The following FBH1 variants were observed in gnomAD, a reference collection of about 807,000 sequenced individuals.
FBH1 encodes the protein F-box DNA helicase 1, also known as DNA 3'-5' helicase 1.
FBH1 carries 43 observed loss-of-function variants against 115.5 expected under a neutral mutation model. The ratio of observed to expected loss-of-function variants is 0.37; its 90% CI spans 0.29 to 0.48. The LOEUF (loss-of-function observed/expected upper bound fraction) is 0.48. FBH1 is among the 20% of genes least tolerant of loss of function. The probability of loss-of-function intolerance (pLI) is 0.99; values close to 1 mark genes in which losing one functional copy is unlikely to be tolerated. For missense variants in FBH1, 1,001 were observed against 1,337.3 expected (o/e 0.75, Z 3.92); for synonymous variants, 524 against 507.8 (o/e 1.03, Z -0.43).
Position 5,906,324 on chromosome 10 carries a change from C to G in FBH1, c.445C>G (p.Arg149Gly), listed in dbSNP as rs755192280. 4 of 1,614,226 alleles carry G rather than the reference C, an allele frequency of 2.5e-6. No homozygotes were observed. The South Asian group carries it at 3.3e-5, about 13-fold the overall frequency. Reference sequence around the variant, plus strand: ...GGATGGAGTTTCTAAGAAAGCTCCACGGCACCATTTGTCTGTGCCATGCAC... The same window carrying G: ...GGATGGAGTTTCTAAGAAAGCTCCAGGGCACCATTTGTCTGTGCCATGCAC... ...RWDGVSKKAP[R>G]HHLSVPCTRP... The change falls in exon 3 of 21, where the codon CGG becomes GGG. Residue 149 changes from arginine (R) to glycine (G), a missense_variant. This residue lies in a region of FBH1 where 420 missense variants were observed against 430.4 expected (regional missense o/e 0.98). Coordinates refer to ENST00000362091, the MANE Select transcript of FBH1 (RefSeq NM_178150.3). This position sits in a 1 kb window ranked among gnomAD's most constrained non-coding sequence, Gnocchi z 7.3.
In FBH1 at chr10:5,906,326, G is replaced by T. The variant is rs779335043; in HGVS notation, c.447G>T (p.Arg149=). The change falls in exon 3 of 21, where the codon CGG becomes CGT. Residue 149 remains arginine, a synonymous_variant. Coordinates refer to ENST00000362091, the MANE Select transcript of FBH1 (RefSeq NM_178150.3). The surrounding 1 kb of genome is among the most constrained non-coding windows in gnomAD (Gnocchi z 7.3). ...ATGGAGTTTCTAAGAAAGCTCCACG[G>T]CACCATTTGTCTGTGCCATGCACAA... ...RWDGVSKKAP[R]HHLSVPCTRP... 2.5e-6 allele frequency: 4 copies of T among 1,614,102 alleles called. No individual in the cohort carries two copies. Among genetic ancestry groups the T allele is most frequent in the Non-Finnish European group, 3.4e-6 (4 of 1,180,036 alleles).
chr10:5,937,061 A>G (rs1833403883), intron 20 of FBH1, 49 bp from the exon 21 acceptor site: 3 of 1,518,490 alleles, frequency 2.0e-6, no homozygotes, highest in South Asian at 1.3e-5. Flanking sequence ...TGGAAAATCC[A>G]TGTTCTTTGG....
At chr10:5,922,992 CG>C (rs1411845906) in intron 15 of FBH1, among the ~76,000 whole-genome samples, 1 of 152,150 alleles carries the variant, frequency 6.6e-6, no homozygotes, top group Non-Finnish European at 1.5e-5. Flanking sequence ...GAGAGATTCT[CG>C]TGCCTCGGCC....
rs767055597 is a variant in FBH1, at chr10:5,913,615, T to A, written c.1212-132T>A. 1.7e-6 allele frequency: 1 copy of A among 605,344 alleles called. No individual in the cohort carries two copies. The highest frequency in any genetic ancestry group is 2.8e-6 in the Non-Finnish European group (1 of 358,746). The allele number at this position is 605,344 out of a possible 1,614,324, so 37.5% of individuals were successfully genotyped here. A position where few individuals can be genotyped will look rare whatever the true frequency, so the allele number is the denominator to read the frequency against. On this transcript the variant is annotated intron_variant, in intron 6 of 20. Coordinates refer to ENST00000362091, the MANE Select transcript of FBH1 (RefSeq NM_178150.3). This position sits in a 1 kb window ranked among gnomAD's most constrained non-coding sequence, Gnocchi z 4.4. The stretch of plus-strand genomic sequence containing the variant: ...AGATATATTTAAATCCTTTTCTTTC[T>A]TTTTTCCATTAAATGGTGGTAGGTA...
chr10:5,937,534 A>AT lies in FBH1; in HGVS notation c.*257dup, dbSNP rs200022146. On this transcript the variant is annotated 3_prime_UTR_variant, in exon 21 of 21. Coordinates refer to ENST00000362091, the MANE Select transcript of FBH1 (RefSeq NM_178150.3). The stretch of plus-strand genomic sequence containing the variant: ...TCTTTTGATAAAAAAAAAAAAAAAA[A>AT]TTTATGTATTTAAACTTTTATTACA... 2.8e-4 allele frequency: 86 copies of AT among 311,540 alleles called. No individual in the cohort carries two copies. The highest frequency in any genetic ancestry group is 4.5e-4 in the South Asian group (3 of 6,716). 19.3% of individuals were successfully genotyped at this position (311,540 alleles called of 1,614,324 possible). A position where few individuals can be genotyped will look rare whatever the true frequency, so the allele number is the denominator to read the frequency against.
chr10:5,936,718 A>G lies in FBH1; in HGVS notation c.2961+131A>G. The stretch of plus-strand genomic sequence containing the variant: ...TCCTTTATTAGGGGCTTTTCATATG[A>G]GAGGCACAAGAGGTGTGTGGTCTGT... On this transcript the variant is annotated intron_variant, in intron 20 of 20. Coordinates refer to ENST00000362091, the MANE Select transcript of FBH1 (RefSeq NM_178150.3). The surrounding 1 kb of genome is among the most constrained non-coding windows in gnomAD (Gnocchi z 5.6). 1 of 1,152,710 alleles carries G rather than the reference A, an allele frequency of 8.7e-7. No homozygotes were observed. Among genetic ancestry groups the G allele is most frequent in the East Asian group, 2.5e-5 (1 of 39,822 alleles). 71.4% of individuals were successfully genotyped at this position (1,152,710 alleles called of 1,614,324 possible). A position where few individuals can be genotyped will look rare whatever the true frequency, so the allele number is the denominator to read the frequency against.
At position 5,918,236 on chromosome 10, in the gene FBH1, T is replaced by A; in HGVS notation, c.1964-106T>A. Reference sequence around the variant, plus strand: ...CCTACAGGAAAAGGCGACCGTGAGGTCCAGTGTGCCCTGGCTTAGCTTCGT... The same window carrying A: ...CCTACAGGAAAAGGCGACCGTGAGGACCAGTGTGCCCTGGCTTAGCTTCGT... On this transcript the variant is annotated intron_variant, in intron 12 of 20. Coordinates refer to ENST00000362091, the MANE Select transcript of FBH1 (RefSeq NM_178150.3). This position sits in a 1 kb window ranked among gnomAD's most constrained non-coding sequence, Gnocchi z 4.0. The A allele has an allele frequency of 7.2e-7, 1 of 1,389,988 alleles. No individual in the cohort carries two copies. Among genetic ancestry groups the A allele is most frequent in the Non-Finnish European group, 9.9e-7 (1 of 1,015,088 alleles). The allele number at this position is 1,389,988 out of a possible 1,614,324, so 86.1% of individuals were successfully genotyped here.
At position 5,915,515 on chromosome 10, in the gene FBH1, C is replaced by T. The variant is rs562045050; in HGVS notation, c.1509C>T (p.Pro503=). The T allele has an allele frequency of 5.0e-6, 8 of 1,614,210 alleles. No homozygotes were observed. In the African/African-American group the frequency reaches 1.1e-4, roughly 22 times the overall value. The change falls in exon 9 of 21, where the codon CCC becomes CCT. Residue 503 remains proline (P), a synonymous_variant. Transcript: ENST00000362091. The surrounding 1 kb of genome is among the most constrained non-coding windows in gnomAD (Gnocchi z 5.2). ...SIAKQAERVF[P]SNVICKTFHS... ...CAAAGCAGGCCGAACGCGTCTTCCCCAGCAACGTCATCTGCAAAACCTTCC... is the reference window on the plus strand; with the variant it reads ...CAAAGCAGGCCGAACGCGTCTTCCCTAGCAACGTCATCTGCAAAACCTTCC...
At position 5,936,538 on chromosome 10, in the gene FBH1, C is replaced by T. The variant is rs372861811; in HGVS notation, c.2912C>T (p.Ala971Val). 3.1e-6 allele frequency: 5 copies of T among 1,614,008 alleles called. No homozygotes were observed. Among genetic ancestry groups the T allele is most frequent in the Middle Eastern group, 1.6e-4 (1 of 6,084 alleles). ...TGCTGCGTGGGACAGTGCAACAATGCCATCCCTGTTGACACCGTCCTTACC... is the reference window on the plus strand; with the variant it reads ...TGCTGCGTGGGACAGTGCAACAATGTCATCCCTGTTGACACCGTCCTTACC... The part of the protein sequence containing the change: ...VRCCVGQCNN[A>V]IPVDTVLTMK... The change falls in exon 20 of 21, where the codon GCC (alanine) becomes GTC (valine). Residue 971 changes from alanine (A) to valine (V), a missense_variant. Coordinates refer to ENST00000362091, the MANE Select transcript of FBH1 (RefSeq NM_178150.3). This position sits in a 1 kb window ranked among gnomAD's most constrained non-coding sequence, Gnocchi z 5.6.
At position 5,924,749 on chromosome 10, in the gene FBH1, A is replaced by G; in HGVS notation, c.2596+241A>G. 1 of 560,414 alleles carries G rather than the reference A, an allele frequency of 1.8e-6. No homozygotes were observed. The highest frequency in any genetic ancestry group is 3.4e-6 in the Non-Finnish European group (1 of 297,422). 34.7% of individuals were successfully genotyped at this position (560,414 alleles called of 1,614,324 possible). The stretch of plus-strand genomic sequence containing the variant: ...CCCGGCTAGTTTGTGTATTTTTTGT[A>G]GAGATGGAGTCTCACCATGTTGGCC... On this transcript the variant is annotated intron_variant, in intron 17 of 20. Transcript: ENST00000362091. This position sits in a 1 kb window ranked among gnomAD's most constrained non-coding sequence, Gnocchi z 6.2.
rs1832406638 is a variant in FBH1 at position 5,923,082 on chromosome 10, C to G, written c.2323-539C>G. Among the ~76,000 whole-genome samples, 2 of 152,098 alleles carry G rather than the reference C, an allele frequency of 1.3e-5. No homozygotes were observed. Among genetic ancestry groups the G allele is most frequent in the Admixed American group, 1.3e-4 (2 of 15,268 alleles). On this transcript the variant is annotated intron_variant, in intron 15 of 20. Transcript: ENST00000362091. The surrounding 1 kb of genome is among the most constrained non-coding windows in gnomAD (Gnocchi z 5.7). ...ATTTTTGGTAGAGACGGGGTTTCAC[C>G]ATGTTGGCCAGGCTGGTCTTGAACT...
rs1330496851 is a variant in FBH1, at chr10:5,910,222, C to T, written c.1021-716C>T. Among the ~76,000 whole-genome samples, 1 of 151,248 alleles carries T rather than the reference C, an allele frequency of 6.6e-6. No homozygotes were observed. Among genetic ancestry groups the T allele is most frequent in the Admixed American group, 6.6e-5 (1 of 15,150 alleles). On this transcript the variant is annotated intron_variant, in intron 5 of 20. Coordinates refer to ENST00000362091, the MANE Select transcript of FBH1 (RefSeq NM_178150.3). The surrounding 1 kb of genome is among the most constrained non-coding windows in gnomAD (Gnocchi z 4.8). ...GCTTGAACCTGGCAAGCAGAGGTTG[C>T]GGTGAGCTGAGATCGCGCCACTGCA...
chr10:5,902,891 A>G (rs1843438638), intron 1 of FBH1, 129 bp from the exon 2 acceptor site: 4 of 736,844 alleles, frequency 5.4e-6, no homozygotes, highest in South Asian at 5.7e-5. Flanking sequence ...GGGAGGGGGG[A>G]ACGGTTGGCT....
At position 5,923,675 on chromosome 10, in the gene FBH1, C is replaced by T. The variant is rs1487005403; in HGVS notation, c.2377C>T (p.Pro793Ser). Reference protein sequence around the residue: ...RIIDIWILLQPEEERRKQNLV... With the variant: ...RIIDIWILLQSEEERRKQNLV... ...CATTGATATTTGGATCCTTCTTCAG[C>T]CAGAGGAAGAACGGAGGAAACGTGA... The change falls in exon 16 of 21, where the codon CCA (proline) becomes TCA (serine). Residue 793 changes from proline (P) to serine (S), a missense_variant. Pro to Ser is a moderately conservative substitution (Grantham distance 74). Coordinates refer to ENST00000362091, the MANE Select transcript of FBH1 (RefSeq NM_178150.3). The surrounding 1 kb of genome is among the most constrained non-coding windows in gnomAD (Gnocchi z 5.7). 6.2e-7 allele frequency: 1 copy of T among 1,614,106 alleles called. No homozygotes were observed. Among genetic ancestry groups the T allele is most frequent in the Admixed American group, 1.7e-5 (1 of 60,018 alleles).
At chr10:5,891,064 AGGT>A (rs1842691374) in intron 1 of FBH1, 1 of 713,636 alleles carries the variant, frequency 1.4e-6, no homozygotes, top group African/African-American at 1.9e-5. Context: ...AGGGTTTTAC[AGGT>A]GGGGAAGTGG....
In FBH1 at chr10:5,906,394, G is replaced by A. The variant is rs145958035; in HGVS notation, c.515G>A (p.Arg172Gln). 2.5e-5 allele frequency: 41 copies of A among 1,614,092 alleles called. No homozygotes were observed. The Admixed American group carries it at 2.8e-4, about 11-fold the overall frequency. ...CAAGAAGCAGAGGACAGTACGTCTC[G>A]GCTCTCTGCGGAGTCTGGTGAAACC... Reference protein sequence around the residue: ...ARQEAEDSTSRLSAESGETDQ... With the variant: ...ARQEAEDSTSQLSAESGETDQ... Residue 172 changes from arginine to glutamine, a missense_variant, in exon 3 of 21, where the codon CGG becomes CAG. Around this residue, in one of 4 missense-constraint regions of FBH1, gnomAD observed 420 missense variants for 430.4 expected, o/e 0.98. Coordinates refer to ENST00000362091, the MANE Select transcript of FBH1 (RefSeq NM_178150.3). The surrounding 1 kb of genome is among the most constrained non-coding windows in gnomAD (Gnocchi z 7.3).
chr10:5,891,504 C>A (rs1323402525), intron 1 of FBH1, among the ~76,000 whole-genome samples: 2 of 152,212 alleles, frequency 1.3e-5, no homozygotes, highest in Non-Finnish European at 2.9e-5. Context: ...TTTGCTTTTA[C>A]CCCTGCCCCT....
At chr10:5,896,512 T>C (rs1203929885) in intron 1 of FBH1, among the ~76,000 whole-genome samples, 2 of 152,164 alleles carry the variant, frequency 1.3e-5, no homozygotes, top group East Asian at 3.8e-4. Flanking sequence ...CTAGGGAATA[T>C]TCATTTGACA....
At chr10:5,930,545 G>A (rs572491961) in intron 19 of FBH1, among the ~76,000 whole-genome samples, 4 of 152,230 alleles carry the variant, frequency 2.6e-5, no homozygotes, top group Non-Finnish European at 2.9e-5. Context: ...CTTGGCAGGC[G>A]TGCCCCATGG....
Sources: gnomAD v4.1 joint callset for allele counts (sites outside exome capture counted in the v4.1 genomes callset) on GRCh38, gnomAD v4.1.1 for gene constraint, gnomAD v4.1.1 regional missense constraint, Gnocchi (gnomAD v3.1) non-coding constraint, MANE v1.5 for transcripts, NCBI Gene and HGNC (gene_info 2026-07-23, HGNC 2026-07-21) for gene names.